Variants in AMBRA1 observed in about 807,000 individuals in gnomAD.
AMBRA1 encodes the protein autophagy and beclin 1 regulator 1.
In AMBRA1, 47 loss-of-function variants were observed where a neutral mutation model predicts 125.4. That is an observed-to-expected ratio of 0.37 (90% CI 0.30 to 0.48). The LOEUF (loss-of-function observed/expected upper bound fraction) is 0.48. Ranked by LOEUF, AMBRA1 falls within the 20% of genes least tolerant of loss-of-function variation. AMBRA1 has a pLI of 0.99. For missense variants in AMBRA1, 1,331 were observed against 1,693.4 expected (o/e 0.79, Z 3.76); for synonymous variants, 626 against 655.5 (o/e 0.95, Z 0.69).
chr11:46,427,149 G>A (rs1590776654), intron 14 of AMBRA1, among the ~76,000 whole-genome samples: 1 of 152,090 alleles, frequency 6.6e-6, no homozygotes, highest in Admixed American at 6.5e-5. Flanking sequence ...GAATAAAGCT[G>A]GGACAAGTCA....
intron 9 of AMBRA1, among the ~76,000 whole-genome samples, chr11:46,495,855 C>T (rs1439644179): frequency 1.3e-5 from 2 of 152,128 alleles, no homozygotes; most frequent in African/African-American, 2.4e-5. Context: ...TCAATTAGTA[C>T]TGAACAAAGT....
chr11:46,456,245 A>T (rs768244209), intron 11 of AMBRA1, among the ~76,000 whole-genome samples: 3 of 152,172 alleles, frequency 2.0e-5, no homozygotes, highest in Non-Finnish European at 2.9e-5. Context: ...AAACACAAAC[A>T]TCTAGCATTC....
intron 14 of AMBRA1, among the ~76,000 whole-genome samples, chr11:46,418,330 ATG>A (rs1946664717): frequency 2.3e-4 from 1 of 4,302 alleles, no homozygotes; most frequent in African/African-American, 8.6e-4. Context: ...ATATATAAAT[ATG>A]TATTTTATTA....
rs370418476 is a variant in AMBRA1, at chr11:46,559,771, G to A, written c.-120-11271C>T. On this transcript the variant is annotated intron_variant, in intron 1 of 17. Coordinates refer to ENST00000683756, the MANE Select transcript of AMBRA1 (RefSeq NM_001387011.1). ...GAAGCTTTAATAACTGATTTTTATC[G>A]CTGGCTTGTTATATAATCTTGGACA... 1.4e-4 allele frequency among the ~76,000 whole-genome samples: 21 copies of A among 152,194 alleles called. No individual in the cohort carries two copies. In the East Asian group the frequency reaches 2.5e-3, roughly 18 times the overall value.
intron 1 of AMBRA1, among the ~76,000 whole-genome samples, chr11:46,573,769 A>T (rs1388454460): frequency 6.8e-6 from 1 of 146,630 alleles, no homozygotes; most frequent in Non-Finnish European, 1.5e-5. Flanking sequence ...GCACCCACTA[A>T]CTCATCATCT....
intron 17 of AMBRA1, among the ~76,000 whole-genome samples, chr11:46,399,448 C>T: frequency 6.6e-6 from 1 of 151,934 alleles, no homozygotes; most frequent in East Asian, 1.9e-4. Context: ...CTCACTGCAA[C>T]CTCCACCTCC....
intron 1 of AMBRA1, among the ~76,000 whole-genome samples, chr11:46,556,860 G>C (rs1411387490): frequency 6.6e-6 from 1 of 152,206 alleles, no homozygotes; most frequent in Non-Finnish European, 1.5e-5. Context: ...ATAAGGGCTG[G>C]TTGCGGTGGC....
At chr11:46,473,675 G>A (rs902607962) in intron 11 of AMBRA1, among the ~76,000 whole-genome samples, 4 of 152,156 alleles carry the variant, frequency 2.6e-5, no homozygotes, top group African/African-American at 9.7e-5. Context: ...TTTTTGAGAC[G>A]GAGTCTCGCA....
At chr11:46,522,987 G>A (rs1366676938) in intron 7 of AMBRA1, among the ~76,000 whole-genome samples, 1 of 152,204 alleles carries the variant, frequency 6.6e-6, no homozygotes, top group African/African-American at 2.4e-5. Flanking sequence ...TCAAGAGAAT[G>A]AGGGAAAAGC....
At chr11:46,556,907 C>T (rs540722292) in intron 1 of AMBRA1, among the ~76,000 whole-genome samples, 35 of 152,144 alleles carry the variant, frequency 2.3e-4, no homozygotes, top group Middle Eastern at 3.4e-3. Flanking sequence ...GAGGCTGAGG[C>T]GGGTGGATCA....
intron 1 of AMBRA1, among the ~76,000 whole-genome samples, chr11:46,567,220 C>T (rs1374105001): frequency 6.6e-6 from 1 of 151,970 alleles, no homozygotes; most frequent in Non-Finnish European, 1.5e-5. Context: ...TACAGGTGCA[C>T]ACCACAACAC....
chr11:46,583,679 A>AAAAAAAAAAAAAAC (rs2044263418), intron 1 of AMBRA1, among the ~76,000 whole-genome samples: 5 of 142,386 alleles, frequency 3.5e-5, no homozygotes, highest in Non-Finnish European at 6.1e-5. Flanking sequence ...AAAAAAAAAA[A>AAAAAAAAAAAAAAC]CAACAAAACA....
intron 1 of AMBRA1, among the ~76,000 whole-genome samples, chr11:46,564,087 T>C (rs141966739): frequency 4.3e-5 from 6 of 138,646 alleles, no homozygotes; most frequent in African/African-American, 1.7e-4. Context: ...GAGGTTGCAG[T>C]GAGCCGAGAT....
chr11:46,574,536 GT>G (rs1443599039), intron 1 of AMBRA1, among the ~76,000 whole-genome samples: 1 of 151,648 alleles, frequency 6.6e-6, no homozygotes, highest in Non-Finnish European at 1.5e-5. Flanking sequence ...TTGTAAATTT[GT>G]TTGAGTTCAT....
chr11:46,569,440 A>AAAAAAATATAT (rs1477022124), intron 1 of AMBRA1, among the ~76,000 whole-genome samples: 6 of 131,386 alleles, frequency 4.6e-5, no homozygotes, highest in African/African-American at 1.8e-4. Context: ...AAAAAAAAAA[A>AAAAAAATATAT]ATATATATAT....
At chr11:46,429,137 T>G (rs542209177) in intron 14 of AMBRA1, 1 of 1,593,882 alleles carries the variant, frequency 6.3e-7, no homozygotes, top group South Asian at 1.1e-5. Context: ...CCGGTTCTTC[T>G]TAGGCATCAA....
At chr11:46,488,893 A>G (rs1950359244) in intron 11 of AMBRA1, among the ~76,000 whole-genome samples, 1 of 152,144 alleles carries the variant, frequency 6.6e-6, no homozygotes, top group Non-Finnish European at 1.5e-5. Flanking sequence ...GACACCGTTC[A>G]GTAAAAAGGT....
intron 7 of AMBRA1, among the ~76,000 whole-genome samples, chr11:46,529,453 T>G (rs987942007): frequency 2.0e-5 from 3 of 152,044 alleles, no homozygotes; most frequent in Non-Finnish European, 4.4e-5. Context: ...GGGGTGGTGG[T>G]GCGGGTACTG....
chr11:46,541,587 C>T (rs903872288), intron 7 of AMBRA1, among the ~76,000 whole-genome samples: 5 of 152,204 alleles, frequency 3.3e-5, no homozygotes, highest in African/African-American at 4.8e-5. Flanking sequence ...TCTGGGACTA[C>T]TACAATAAGT....
Sources: allele counts gnomAD v4.1 joint callset (sites outside exome capture counted in the v4.1 genomes callset), GRCh38; gene constraint gnomAD v4.1.1; transcripts MANE v1.5; gene names NCBI Gene and HGNC (gene_info 2026-07-23, HGNC 2026-07-21).